Variants in ACTR3C observed in about 807,000 individuals in gnomAD.
ACTR3C encodes the protein actin related protein 3C, also known as actin-related protein 3C.
In ACTR3C, 18 loss-of-function variants were observed where a neutral mutation model predicts 26.3. The ratio of observed to expected loss-of-function variants is 0.68; its 90% CI spans 0.47 to 1.01. The LOEUF (loss-of-function observed/expected upper bound fraction) is 1.01, where lower values mean the gene tolerates loss of function less well. ACTR3C is among the 50% of genes least tolerant of loss of function. ACTR3C has a pLI of 0.00. For synonymous variants in ACTR3C, 55 were observed against 94.5 expected (o/e 0.58, Z 2.42); for missense variants, 184 against 250.7 (o/e 0.73, Z 1.80).
At chr7:149,992,800 G>C in the ACTR3C span, among the ~76,000 whole-genome samples, 1 of 152,186 alleles carries the variant, frequency 6.6e-6, no homozygotes, top group Non-Finnish European at 1.5e-5. Context: ...ACATGCTCAC[G>C]AGGTGAAGTC....
At chr7:150,169,388 G>GAAA in the ACTR3C span, among the ~76,000 whole-genome samples, 65,386 of 119,582 alleles carry the variant, frequency 0.55, 18,557 homozygotes, top group East Asian at 0.81. Flanking sequence ...ATTTCAAAAG[G>GAAA]AAAAAAAAAA....
the ACTR3C span, chr7:150,041,311 G>C: frequency 6.6e-6 from 1 of 150,960 alleles, no homozygotes; most frequent in Non-Finnish European, 1.5e-5. Context: ...CCTGCCTTCT[G>C]CCCTTAAGCT....
At chr7:150,300,320 C>A (rs1046831013) in intron 1 of ACTR3C, among the ~76,000 whole-genome samples, 11 of 152,022 alleles carry the variant, frequency 7.2e-5, no homozygotes, top group Non-Finnish European at 1.3e-4. Context: ...CCACTGCACT[C>A]CAGCCTGGGC....
At chr7:150,197,003 C>G in the ACTR3C span, among the ~76,000 whole-genome samples, 13 of 152,132 alleles carry the variant, frequency 8.5e-5, no homozygotes, top group Non-Finnish European at 1.8e-4. Context: ...TTTTCATACA[C>G]CAGTTGCAAT....
At chr7:149,905,371 G>A in the ACTR3C span, among the ~76,000 whole-genome samples, 2 of 151,046 alleles carry the variant, frequency 1.3e-5, no homozygotes, top group African/African-American at 2.4e-5. Flanking sequence ...CCTTCCGCAT[G>A]GAAAACAAAA....
chr7:149,891,929 G>A, the ACTR3C span, among the ~76,000 whole-genome samples: 1 of 116,100 alleles, frequency 8.6e-6, no homozygotes, highest in Non-Finnish European at 1.9e-5. Flanking sequence ...CTTAAATAAC[G>A]TTAGTGTTTC....
At chr7:150,290,975 A>C (rs1836201836) in intron 3 of ACTR3C, among the ~76,000 whole-genome samples, 1 of 152,228 alleles carries the variant, frequency 6.6e-6, no homozygotes, top group Non-Finnish European at 1.5e-5. Flanking sequence ...GTATTTTCAC[A>C]GAATATTTAA....
At chr7:150,228,945 T>C in the ACTR3C span, among the ~76,000 whole-genome samples, 1 of 151,420 alleles carries the variant, frequency 6.6e-6, no homozygotes, top group South Asian at 2.1e-4. Context: ...GTATATATAG[T>C]AATGGTACAA....
chr7:150,133,275 AC>A, the ACTR3C span, among the ~76,000 whole-genome samples: 1 of 152,116 alleles, frequency 6.6e-6, no homozygotes, highest in Non-Finnish European at 1.5e-5. Context: ...CAGCTAATGG[AC>A]TAGTCACAGC....
chr7:150,304,972 A>G (rs1055114074), intron 1 of ACTR3C, among the ~76,000 whole-genome samples: 19 of 152,072 alleles, frequency 1.2e-4, no homozygotes, highest in East Asian at 7.7e-4. Context: ...TGCTCAATAC[A>G]ATGTCTGCCC....
At chr7:149,991,320 C>T in the ACTR3C span, among the ~76,000 whole-genome samples, 165 of 152,304 alleles carry the variant, frequency 1.1e-3, no homozygotes, top group Non-Finnish European at 1.0e-4. Flanking sequence ...TTTGGGTGGG[C>T]ACACAGCTAA....
the ACTR3C span, among the ~76,000 whole-genome samples, chr7:150,051,538 G>A: frequency 3.7e-5 from 5 of 134,872 alleles, no homozygotes; most frequent in African/African-American, 5.4e-5. Context: ...ACACTGTGGC[G>A]ATGAAGCAGA....
chr7:150,242,753 C>CT (rs1258412303), downstream of ACTR3C, among the ~76,000 whole-genome samples: 2 of 151,974 alleles, frequency 1.3e-5, no homozygotes, highest in Non-Finnish European at 2.9e-5. Context: ...GAGTGATTTC[C>CT]TTTTGTGGAG....
chr7:150,146,781 G>A, the ACTR3C span, among the ~76,000 whole-genome samples: 1 of 152,124 alleles, frequency 6.6e-6, no homozygotes, highest in Non-Finnish European at 1.5e-5. Context: ...AGGGACCTGG[G>A]TTCTTGATTC....
chr7:149,955,492 C>A, the ACTR3C span, among the ~76,000 whole-genome samples: 8 of 152,108 alleles, frequency 5.3e-5, no homozygotes, highest in Non-Finnish European at 8.8e-5. Flanking sequence ...GCTCAGAAAG[C>A]AAGGCATCCC....
the ACTR3C span, among the ~76,000 whole-genome samples, chr7:149,987,841 A>T: frequency 6.6e-6 from 1 of 152,162 alleles, no homozygotes. Context: ...GAATCTGTTC[A>T]ACAAACCCCC....
the ACTR3C span, among the ~76,000 whole-genome samples, chr7:150,153,891 C>A: frequency 1.4e-5 from 2 of 139,508 alleles, no homozygotes; most frequent in Admixed American, 7.1e-5. Flanking sequence ...TACTATGCAG[C>A]CATAAAAAAT....
chr7:150,085,048 C>G, the ACTR3C span, among the ~76,000 whole-genome samples: 3 of 152,122 alleles, frequency 2.0e-5, no homozygotes, highest in Non-Finnish European at 4.4e-5. Context: ...TGTGGCTTGA[C>G]CACCTGGGTT....
the ACTR3C span, among the ~76,000 whole-genome samples, chr7:150,000,345 T>TAATC: frequency 6.0e-4 from 73 of 121,484 alleles, no homozygotes; most frequent in African/African-American, 2.1e-3. Context: ...AACTGATCCA[T>TAATC]AATCATTCTT....
Sources: gnomAD v4.1 joint callset for allele counts (sites outside exome capture counted in the v4.1 genomes callset) on GRCh38, gnomAD v4.1.1 for gene constraint, MANE v1.5 for transcripts, NCBI Gene and HGNC (gene_info 2026-07-23, HGNC 2026-07-21) for gene names.